MCTP1: variants seen among roughly 807,000 people sequenced by gnomAD.
MCTP1 encodes multiple C2 and transmembrane domain-containing protein 1.
Under a neutral mutation model 120.6 loss-of-function variants are expected in MCTP1, and 69 were observed. That is an observed-to-expected ratio of 0.57 (90% CI 0.47 to 0.70). The LOEUF is 0.70. Ranked by LOEUF, MCTP1 falls within the 30% of genes least tolerant of loss-of-function variation. The pLI is 0.00. For synonymous variants in MCTP1, 529 were observed against 493.1 expected, an observed-to-expected ratio of 1.07 and a Z score of -0.96; for missense variants, 1,203 against 1,248.8, an observed-to-expected ratio of 0.96 and a Z score of 0.55.
chr5:94,733,044 T>C (rs558858481), intron 19 of MCTP1, among the ~76,000 whole-genome samples: 2 of 152,246 alleles, frequency 1.3e-5, no homozygotes, highest in East Asian at 3.8e-4. Flanking sequence ...TTTTATCTAT[T>C]CCAAATATGG....
At chr5:94,838,562 A>G (rs1317708963) in intron 17 of MCTP1, among the ~76,000 whole-genome samples, 2 of 152,160 alleles carry the variant, frequency 1.3e-5, no homozygotes, top group African/African-American at 2.4e-5. Context: ...ACTCCCATAC[A>G]ATGCACTGGA....
intron 18 of MCTP1, among the ~76,000 whole-genome samples, chr5:94,787,067 G>A (rs866386977): frequency 8.5e-5 from 13 of 152,280 alleles, no homozygotes; most frequent in Middle Eastern, 3.4e-3. Flanking sequence ...CATCCTGAGC[G>A]AGATGTTAGA....
At chr5:95,260,967 G>A (rs1317141200) in intron 1 of MCTP1, among the ~76,000 whole-genome samples, 2 of 152,108 alleles carry the variant, frequency 1.3e-5, no homozygotes, top group African/African-American at 2.4e-5. Flanking sequence ...ATAGATTGCT[G>A]GAAGTTCATT....
chr5:94,943,750 T>G (rs1453856243), intron 3 of MCTP1, among the ~76,000 whole-genome samples: 1 of 151,560 alleles, frequency 6.6e-6, no homozygotes, highest in Non-Finnish European at 1.5e-5. Context: ...AGTAAGGAAG[T>G]AAGTAAGGAA....
intron 1 of MCTP1, among the ~76,000 whole-genome samples, chr5:95,146,312 T>C (rs1432457695): frequency 6.6e-6 from 1 of 152,184 alleles, no homozygotes; most frequent in African/African-American, 2.4e-5. Flanking sequence ...TCTATACATC[T>C]TGTTTATTCT....
chr5:95,268,903 T>C (rs1759135024), intron 1 of MCTP1, among the ~76,000 whole-genome samples: 1 of 152,210 alleles, frequency 6.6e-6, no homozygotes, highest in Non-Finnish European at 1.5e-5. Flanking sequence ...TCAGGGTCTG[T>C]GGGTTGGACC....
intron 12 of MCTP1, among the ~76,000 whole-genome samples, chr5:94,888,418 A>G (rs1193979981): frequency 1.3e-5 from 2 of 152,228 alleles, no homozygotes; most frequent in African/African-American, 4.8e-5. Context: ...TTGGGTGACT[A>G]ATGAGTTGGA....
intron 1 of MCTP1, among the ~76,000 whole-genome samples, chr5:95,197,171 G>A (rs1179955560): frequency 6.6e-6 from 1 of 152,038 alleles, no homozygotes; most frequent in Non-Finnish European, 1.5e-5. Flanking sequence ...CTTATCTACA[G>A]GGCTACAGTT....
At chr5:95,208,569 G>A (rs1337038646) in intron 1 of MCTP1, among the ~76,000 whole-genome samples, 1 of 152,004 alleles carries the variant, frequency 6.6e-6, no homozygotes, top group East Asian at 1.9e-4. Context: ...AGAAACTTTG[G>A]TTTTGAGGGT....
chr5:95,202,160 G>A (rs1751137321), intron 1 of MCTP1, among the ~76,000 whole-genome samples: 4 of 152,050 alleles, frequency 2.6e-5, no homozygotes, highest in African/African-American at 9.7e-5. Context: ...GGCTCAGGTA[G>A]AACAAAAAAG....
At chr5:95,021,337 A>C (rs185194676) in intron 1 of MCTP1, among the ~76,000 whole-genome samples, 132 of 152,200 alleles carry the variant, frequency 8.7e-4, no homozygotes, top group Middle Eastern at 3.4e-3. Context: ...AATGTTAGCT[A>C]TTGTCAGTTT....
At chr5:95,066,516 T>G (rs1005916045) in intron 1 of MCTP1, among the ~76,000 whole-genome samples, 2 of 152,128 alleles carry the variant, frequency 1.3e-5, no homozygotes, top group African/African-American at 4.8e-5. Flanking sequence ...CCAAAGGAAA[T>G]GAAATCAGTG....
intron 2 of MCTP1, among the ~76,000 whole-genome samples, chr5:94,957,621 C>T (rs901555122): frequency 8.6e-5 from 13 of 151,394 alleles, no homozygotes; most frequent in African/African-American, 3.2e-4. Flanking sequence ...GCAATCCTAG[C>T]CCCTGATAAA....
intron 2 of MCTP1, among the ~76,000 whole-genome samples, chr5:94,973,173 T>C (rs1269133974): frequency 6.6e-6 from 1 of 152,216 alleles, no homozygotes; most frequent in Non-Finnish European, 1.5e-5. Context: ...TTGACCTGGT[T>C]ACCTAACTTG....
rs1444222010 is a variant in MCTP1 at position 94,894,688 on chromosome 5, C to T, written c.1800G>A (p.Leu600=). The change falls in exon 11 of 23, where the codon CTG becomes CTA. Residue 600 remains leucine (L), a synonymous_variant. Coordinates refer to ENST00000515393, the MANE Select transcript of MCTP1 (RefSeq NM_024717.7). Reference sequence around the variant, plus strand: ...TCTCCTCTCGTTCCTTCTGGTCCTCCAGGGAGTTGACAGACAGGTCAGAGA... The same window carrying T: ...TCTCCTCTCGTTCCTTCTGGTCCTCTAGGGAGTTGACAGACAGGTCAGAGA... ...VSISDLSVNS[L]EDQKEREEIL... 2.5e-6 allele frequency: 4 copies of T among 1,612,164 alleles called. No individual in the cohort carries two copies. The East Asian group carries it at 6.7e-5, about 27-fold the overall frequency.
chr5:94,816,164 T>C (rs1784435087), intron 17 of MCTP1, among the ~76,000 whole-genome samples: 1 of 152,196 alleles, frequency 6.6e-6, no homozygotes, highest in Non-Finnish European at 1.5e-5. Flanking sequence ...CAAGGTAAAA[T>C]ACGTATGTAT....
chr5:94,747,445 G>T (rs1360594640), intron 19 of MCTP1, among the ~76,000 whole-genome samples: 2 of 152,128 alleles, frequency 1.3e-5, no homozygotes, highest in Non-Finnish European at 2.9e-5. Context: ...TTTCTGTAAA[G>T]GGCTAAATAG....
chr5:94,980,274 T>G (rs17084352), intron 2 of MCTP1, among the ~76,000 whole-genome samples: 13,476 of 152,174 alleles, frequency 0.089, 966 homozygotes, highest in African/African-American at 0.2. Flanking sequence ...CTTCCCACTT[T>G]CCAATGCCTT....
intron 13 of MCTP1, 122 bp from the exon 14 acceptor site, chr5:94,871,539 A>C (rs1421553150): frequency 1.5e-6 from 1 of 671,952 alleles, no homozygotes; most frequent in Non-Finnish European, 2.7e-6. Context: ...TGCTATTTGC[A>C]TACACACATA....
Sources: allele counts gnomAD v4.1 joint callset (sites outside exome capture counted in the v4.1 genomes callset), GRCh38; gene constraint gnomAD v4.1.1; transcripts MANE v1.5; gene names NCBI Gene and HGNC (gene_info 2026-07-23, HGNC 2026-07-21).